The following GLB1L3 variants were observed in gnomAD, a reference collection of about 807,000 sequenced individuals.
The protein encoded by GLB1L3 is galactosidase beta 1 like 3, also known as beta-galactosidase-1-like protein 3.
GLB1L3 carries 89 observed loss-of-function variants against 89.5 expected under a neutral mutation model. That is an observed-to-expected ratio of 0.99 (90% CI 0.84 to 1.19). The LOEUF (loss-of-function observed/expected upper bound fraction) is 1.19, where lower values mean the gene tolerates loss of function less well. Among genes scored for constraint, GLB1L3 ranks in the 50% most tolerant of loss-of-function variants. The pLI, the probability that GLB1L3 is intolerant of heterozygous loss-of-function variation, is 0.00. For synonymous variants in GLB1L3, 314 were observed against 312.3 expected (o/e 1.01, Z -0.06); for missense variants, 812 against 813.3 (o/e 1.00, Z 0.02).
At chr11:134,296,866 A>ATAAT (rs1565402709) in intron 9 of GLB1L3, among the ~76,000 whole-genome samples, 50 of 116,066 alleles carry the variant, frequency 4.3e-4, no homozygotes, top group African/African-American at 8.6e-4. Flanking sequence ...TAATAATAAA[A>ATAAT]ACAAACAAAC....
chr11:134,320,591 A>G (rs918195988), downstream of GLB1L3, among the ~76,000 whole-genome samples: 3 of 152,200 alleles, frequency 2.0e-5, no homozygotes, highest in African/African-American at 7.2e-5. Flanking sequence ...CTCTTTCGCT[A>G]CTACCTTAGT....
intron 18 of GLB1L3, among the ~76,000 whole-genome samples, chr11:134,314,751 G>A (rs1479802102): frequency 6.6e-6 from 1 of 152,098 alleles, no homozygotes; most frequent in Non-Finnish European, 1.5e-5. Flanking sequence ...GCCAACAGTG[G>A]TACATTTTTA....
At chr11:134,313,253 C>G in intron 15 of GLB1L3, 143 bp from the exon 16 acceptor site, 1 of 643,350 alleles carries the variant, frequency 1.6e-6, no homozygotes, top group Non-Finnish European at 2.8e-6. Flanking sequence ...CAAGGCAGTC[C>G]TTAGGTGAAG....
downstream of GLB1L3, among the ~76,000 whole-genome samples, chr11:134,322,119 A>G (rs1051793332): frequency 3.3e-5 from 5 of 152,216 alleles, no homozygotes; most frequent in Non-Finnish European, 7.3e-5. Context: ...AAGTCCAAGG[A>G]TAAAAAATAT....
intron 18 of GLB1L3, 62 bp downstream of exon 18, chr11:134,314,503 G>A: frequency 9.4e-7 from 1 of 1,061,352 alleles, no homozygotes. Flanking sequence ...AAAGAGTCCT[G>A]AAGCAAAGCC....
At chr11:134,303,399 G>A (rs994360002) in intron 9 of GLB1L3, among the ~76,000 whole-genome samples, 1 of 152,158 alleles carries the variant, frequency 6.6e-6, no homozygotes, top group Non-Finnish European at 1.5e-5. Flanking sequence ...CTGCTTTTAA[G>A]TGTTTCTTTT....
At chr11:134,295,209 G>A (rs1444889986) in intron 9 of GLB1L3, among the ~76,000 whole-genome samples, 1 of 152,138 alleles carries the variant, frequency 6.6e-6, no homozygotes, top group Non-Finnish European at 1.5e-5. Context: ...TTAATGTTTG[G>A]TAACTTTCAT....
chr11:134,305,077 T>C (rs1439421893), intron 9 of GLB1L3: 4 of 1,547,418 alleles, frequency 2.6e-6, no homozygotes, highest in Non-Finnish European at 3.5e-6. Flanking sequence ...TGAATTCTTA[T>C]CTTTACCCAT....
chr11:134,283,274 G>A (rs1388718820), intron 5 of GLB1L3, among the ~76,000 whole-genome samples: 2 of 152,148 alleles, frequency 1.3e-5, no homozygotes, highest in Non-Finnish European at 2.9e-5. Context: ...ACGTTGGCCA[G>A]GCTGGTCTCG....
chr11:134,320,698 T>G (rs2136243055), downstream of GLB1L3, among the ~76,000 whole-genome samples: 1 of 151,654 alleles, frequency 6.6e-6, no homozygotes, highest in African/African-American at 2.4e-5. Context: ...AGCTCACAAC[T>G]TAGAATTCTT....
At chr11:134,286,319 C>T (rs1940980537) in intron 6 of GLB1L3, among the ~76,000 whole-genome samples, 1 of 152,138 alleles carries the variant, frequency 6.6e-6, no homozygotes, top group South Asian at 2.1e-4. Flanking sequence ...TTTTGAGAGA[C>T]GGGCACTGCT....
At chr11:134,317,988 AG>A (rs1284268929) in intron 18 of GLB1L3, among the ~76,000 whole-genome samples, 2 of 152,138 alleles carry the variant, frequency 1.3e-5, no homozygotes, top group African/African-American at 4.8e-5. Flanking sequence ...CCTTTTGGTT[AG>A]GGTTTACATA....
intron 9 of GLB1L3, among the ~76,000 whole-genome samples, chr11:134,300,886 A>G (rs1941910915): frequency 6.6e-6 from 1 of 152,206 alleles, no homozygotes; most frequent in African/African-American, 2.4e-5. Context: ...CACATTCTGC[A>G]GTACTGAGGG....
At chr11:134,288,628 A>G (rs1041091121) in intron 6 of GLB1L3, among the ~76,000 whole-genome samples, 170 bp from the exon 7 acceptor site, 2 of 152,126 alleles carry the variant, frequency 1.3e-5, no homozygotes, top group Non-Finnish European at 2.9e-5. Flanking sequence ...ACAGCAGCCA[A>G]GTGACCCAGC....
chr11:134,313,376 G>T lies in GLB1L3; in HGVS notation c.1501-20G>T, dbSNP rs1364405308. ...CCCTCCATGGCTGCGTGGTCTCCAT[G>T]ACCTGGCCTGTCCCAGCAGGACTGC... On this transcript the variant is annotated intron_variant, in intron 15 of 19. Transcript: ENST00000431683. 1.9e-6 allele frequency: 3 copies of T among 1,563,546 alleles called. No homozygotes were observed. The highest frequency in any genetic ancestry group is 2.4e-5 in the South Asian group (2 of 84,726).
chr11:134,286,658 T>A (rs955386031), intron 6 of GLB1L3, among the ~76,000 whole-genome samples: 1 of 150,560 alleles, frequency 6.6e-6, no homozygotes, highest in Non-Finnish European at 1.5e-5. Context: ...GCGCCTGTAG[T>A]CCCAGCTACT....
chr11:134,304,441 A>G (rs1218352199), intron 9 of GLB1L3, among the ~76,000 whole-genome samples: 1 of 152,094 alleles, frequency 6.6e-6, no homozygotes, highest in African/African-American at 2.4e-5. Flanking sequence ...TATTCTCTTT[A>G]GGGACACAAG....
Position 134,310,617 on chromosome 11 carries a change from T to A in GLB1L3, c.1146T>A (p.Tyr382Ter). The change falls in exon 12 of 20, where the codon TAT becomes TAA. Residue 382 changes from tyrosine to a stop codon, truncating the protein, a stop_gained. Coordinates refer to ENST00000431683, the MANE Select transcript of GLB1L3 (RefSeq NM_001080407.3). LOFTEE classifies it high-confidence loss of function. Reference sequence around the variant, plus strand: ...AGGCTGGAGATTACACAGAAAAATATCTGAAGCTTCAAAAACTCTTTCAAT... The same window carrying A: ...AGGCTGGAGATTACACAGAAAAATAACTGAAGCTTCAAAAACTCTTTCAAT... ...LTEAGDYTEKYLKLQKLFQSV... is the reference protein window; with the variant it reads ...LTEAGDYTEK The A allele has an allele frequency of 1.2e-6, 2 of 1,613,578 alleles. No homozygotes were observed. The highest frequency in any genetic ancestry group is 2.2e-5 in the South Asian group (2 of 90,970).
chr11:134,305,257 C>T (rs982805901), intron 9 of GLB1L3: 8 of 726,000 alleles, frequency 1.1e-5, no homozygotes, highest in Non-Finnish European at 2.0e-5. Context: ...GCATTCCCTT[C>T]ACCAGCTTGT....
Sources: allele counts gnomAD v4.1 joint callset (sites outside exome capture counted in the v4.1 genomes callset), GRCh38; gene constraint gnomAD v4.1.1; transcripts MANE v1.5; gene names NCBI Gene and HGNC (gene_info 2026-07-23, HGNC 2026-07-21).